LYRM4: variants seen among roughly 807,000 people sequenced by gnomAD.
LYRM4 encodes LYR motif containing 4.
In LYRM4, 9 loss-of-function variants were observed where a neutral mutation model predicts 11.7. The observed-to-expected ratio is 0.77, with a 90% CI of 0.46 to 1.34. The LOEUF is 1.34. LYRM4 is among the 40% of genes most tolerant of loss of function. LYRM4 has a pLI of 0.00. For missense variants in LYRM4, 133 were observed against 112.5 expected, an observed-to-expected ratio of 1.18 and a Z score of -0.82; for synonymous variants, 42 against 40.4, an observed-to-expected ratio of 1.04 and a Z score of -0.15.
At chr6:5,230,064 T>C (rs888005417) in intron 1 of LYRM4, among the ~76,000 whole-genome samples, 3 of 152,232 alleles carry the variant, frequency 2.0e-5, no homozygotes, top group African/African-American at 7.2e-5. Flanking sequence ...ATGAAACGTG[T>C]TTAGCTTGTC....
At chr6:5,071,985 C>T in the LYRM4 span, among the ~76,000 whole-genome samples, 1 of 152,150 alleles carries the variant, frequency 6.6e-6, no homozygotes, top group Non-Finnish European at 1.5e-5. Flanking sequence ...TTCCCACCCC[C>T]AACCTTCTGA....
intron 2 of LYRM4, among the ~76,000 whole-genome samples, chr6:5,110,451 G>A (rs1159903029): frequency 6.6e-5 from 10 of 152,154 alleles, no homozygotes; most frequent in African/African-American, 1.7e-4. Context: ...AAGGACCGCC[G>A]CGCCGTCCAT....
At chr6:5,130,780 T>G (rs1254668486) in intron 2 of LYRM4, among the ~76,000 whole-genome samples, 1 of 152,086 alleles carries the variant, frequency 6.6e-6, no homozygotes, top group East Asian at 1.9e-4. Flanking sequence ...GTAAAAAATA[T>G]ATGCTTCTAA....
At chr6:5,245,692 A>G (rs1334480409) in intron 1 of LYRM4, among the ~76,000 whole-genome samples, 1 of 152,226 alleles carries the variant, frequency 6.6e-6, no homozygotes, top group East Asian at 1.9e-4. Flanking sequence ...CCAGAGAACC[A>G]TGATTCAGAT....
intron 2 of LYRM4, among the ~76,000 whole-genome samples, chr6:5,205,598 C>CA (rs1761651515): frequency 6.6e-6 from 1 of 152,086 alleles, no homozygotes; most frequent in African/African-American, 2.4e-5. Flanking sequence ...TTTAATATTA[C>CA]AAAAAACATG....
intron 2 of LYRM4, chr6:5,136,937 A>T (rs933598379): frequency 2.6e-5 from 16 of 613,392 alleles, no homozygotes; most frequent in Non-Finnish European, 3.1e-5. Context: ...ACCACAATCA[A>T]TTTTAGAGCA....
the LYRM4 span, among the ~76,000 whole-genome samples, chr6:5,079,035 T>G: frequency 6.6e-6 from 1 of 152,220 alleles, no homozygotes; most frequent in Admixed American, 6.5e-5. Flanking sequence ...GCCTGAGAAT[T>G]AAACTCACAA....
the LYRM4 span, among the ~76,000 whole-genome samples, chr6:5,062,089 T>C: frequency 3.3e-3 from 472 of 143,768 alleles, 3 homozygotes; most frequent in Non-Finnish European, 6.0e-3. Context: ...TTCTTTTTTT[T>C]TTTTTTTTTT....
chr6:5,192,075 A>G (rs1009619271), intron 2 of LYRM4, among the ~76,000 whole-genome samples: 28 of 152,210 alleles, frequency 1.8e-4, no homozygotes, highest in Non-Finnish European at 2.9e-4. Flanking sequence ...AAAAGTTATA[A>G]AAGATATTAT....
chr6:5,247,393 C>T (rs1447597603), intron 1 of LYRM4, among the ~76,000 whole-genome samples: 1 of 152,224 alleles, frequency 6.6e-6, no homozygotes, highest in African/African-American at 2.4e-5. Flanking sequence ...TCCTTTCTGG[C>T]TCCAATCTGT....
chr6:5,183,373 T>A (rs925772301), intron 2 of LYRM4, among the ~76,000 whole-genome samples: 1 of 152,220 alleles, frequency 6.6e-6, no homozygotes, highest in Non-Finnish European at 1.5e-5. Flanking sequence ...GCATGCATTT[T>A]TTTTTATCCT....
chr6:5,189,523 GT>G (rs2127689127), intron 2 of LYRM4, among the ~76,000 whole-genome samples: 2 of 152,332 alleles, frequency 1.3e-5, no homozygotes, highest in South Asian at 4.1e-4. Flanking sequence ...CTGAAGGCCA[GT>G]AAGCCACTAG....
chr6:5,085,695 G>C, the LYRM4 span: 2 of 1,547,980 alleles, frequency 1.3e-6, no homozygotes, highest in Non-Finnish European at 1.7e-6. Flanking sequence ...CCCAGGAGCA[G>C]GAGGAGCTGC....
the LYRM4 span, among the ~76,000 whole-genome samples, chr6:5,074,792 T>C: frequency 6.6e-6 from 1 of 152,164 alleles, no homozygotes; most frequent in East Asian, 1.9e-4. Flanking sequence ...ATGGTGGTGA[T>C]GGTGATGGTG....
intron 2 of LYRM4, among the ~76,000 whole-genome samples, chr6:5,181,088 C>G (rs920831723): frequency 6.6e-6 from 1 of 152,088 alleles, no homozygotes; most frequent in African/African-American, 2.4e-5. Flanking sequence ...TGAATTTTCA[C>G]GCCAAATAAA....
intron 1 of LYRM4, among the ~76,000 whole-genome samples, chr6:5,251,737 T>C (rs1037083589): frequency 6.6e-6 from 1 of 152,186 alleles, no homozygotes; most frequent in African/African-American, 2.4e-5. Flanking sequence ...ATCCAAACTG[T>C]ATCATTGCAT....
chr6:5,153,502 GTGC>G (rs558393186), intron 2 of LYRM4, among the ~76,000 whole-genome samples: 37 of 152,366 alleles, frequency 2.4e-4, no homozygotes, highest in Middle Eastern at 3.4e-3. Context: ...ACTTGATGAA[GTGC>G]TGCTGTTCGG....
At chr6:5,139,614 G>A (rs1757294962) in intron 2 of LYRM4, among the ~76,000 whole-genome samples, 1 of 152,186 alleles carries the variant, frequency 6.6e-6, no homozygotes, top group African/African-American at 2.4e-5. Context: ...TAACCTAACT[G>A]GATGTGTACA....
chr6:5,056,701 T>C, the LYRM4 span, among the ~76,000 whole-genome samples: 3 of 152,346 alleles, frequency 2.0e-5, no homozygotes, highest in South Asian at 4.1e-4. Flanking sequence ...AAAATTATCA[T>C]TTTTCCTTCA....
Sources: gnomAD v4.1 joint callset for allele counts (sites outside exome capture counted in the v4.1 genomes callset) on GRCh38, gnomAD v4.1.1 for gene constraint, MANE v1.5 for transcripts, NCBI Gene and HGNC (gene_info 2026-07-23, HGNC 2026-07-21) for gene names.